FRMD5: variants seen among roughly 807,000 people sequenced by gnomAD.
The protein encoded by FRMD5 is FERM domain-containing protein 5.
In FRMD5, 20 loss-of-function variants were observed where a neutral mutation model predicts 69.0. That is an observed-to-expected ratio of 0.29 (90% CI 0.20 to 0.42). The LOEUF (loss-of-function observed/expected upper bound fraction) is 0.42. Among genes scored for constraint, FRMD5 ranks in the 10% least tolerant of loss-of-function variants. FRMD5 has a pLI of 1.00. For missense variants in FRMD5, 595 were observed against 708.6 expected (o/e 0.84, Z 1.82); for synonymous variants, 271 against 260.1 (o/e 1.04, Z -0.40).
chr15:44,006,428 A>G (rs1890451928), intron 1 of FRMD5, among the ~76,000 whole-genome samples: 1 of 152,242 alleles, frequency 6.6e-6, no homozygotes, highest in South Asian at 2.1e-4. Context: ...GCTAACATCC[A>G]GTTGGTAGCC....
At chr15:44,042,771 C>T (rs569044085) in intron 1 of FRMD5, among the ~76,000 whole-genome samples, 32 of 152,308 alleles carry the variant, frequency 2.1e-4, no homozygotes, top group Middle Eastern at 3.4e-3. Context: ...ACTGATGGAA[C>T]GTATCTCAAA....
intron 1 of FRMD5, among the ~76,000 whole-genome samples, chr15:44,062,048 G>C (rs1385123413): frequency 6.6e-6 from 1 of 152,188 alleles, no homozygotes; most frequent in Non-Finnish European, 1.5e-5. Context: ...TTAGATACAA[G>C]TGCAGGAAAT....
intron 1 of FRMD5, among the ~76,000 whole-genome samples, chr15:44,018,567 C>T (rs1361986877): frequency 6.6e-6 from 1 of 152,152 alleles, no homozygotes; most frequent in Non-Finnish European, 1.5e-5. Context: ...TCAATCTATT[C>T]ACTTGTTTAA....
chr15:43,929,186 T>C (rs966094907), intron 1 of FRMD5, among the ~76,000 whole-genome samples: 2 of 152,184 alleles, frequency 1.3e-5, no homozygotes, highest in African/African-American at 4.8e-5. Context: ...TGGTTCTCTA[T>C]GGTTTGCCTA....
At position 44,172,223 on chromosome 15, in the gene FRMD5, T is replaced by A. The variant is rs1229226562; in HGVS notation, c.102+22730A>T. 2.6e-5 allele frequency among the ~76,000 whole-genome samples: 4 copies of A among 151,824 alleles called. No individual in the cohort carries two copies. In the East Asian group the frequency reaches 7.7e-4, roughly 29 times the overall value. ...TTCCCACCTCAGCCTCCTGAGTAGC[T>A]GGGACCACAGGTGTGCACCACCATA... is the stretch of plus-strand genomic sequence containing the variant. On this transcript the variant is annotated intron_variant, in intron 1 of 13. Coordinates refer to ENST00000417257, the MANE Select transcript of FRMD5 (RefSeq NM_032892.5).
intron 1 of FRMD5, among the ~76,000 whole-genome samples, chr15:44,089,702 C>CA (rs201000851): frequency 1.3e-5 from 2 of 149,986 alleles, no homozygotes; most frequent in East Asian, 3.9e-4. Flanking sequence ...GATCCTACGT[C>CA]AAAAAAAAAG....
At chr15:44,106,505 T>C (rs1299005224) in intron 1 of FRMD5, among the ~76,000 whole-genome samples, 1 of 152,152 alleles carries the variant, frequency 6.6e-6, no homozygotes, top group Non-Finnish European at 1.5e-5. Flanking sequence ...CTAGAAGGCC[T>C]CCTACAACCA....
At chr15:44,120,052 C>G (rs2140645724) in intron 1 of FRMD5, among the ~76,000 whole-genome samples, 1 of 152,184 alleles carries the variant, frequency 6.6e-6, no homozygotes, top group South Asian at 2.1e-4. Context: ...ATGACTGGAG[C>G]ATAGAACACC....
intron 1 of FRMD5, among the ~76,000 whole-genome samples, chr15:44,138,989 ATTTCT>A (rs1481086082): frequency 6.6e-6 from 1 of 152,132 alleles, no homozygotes; most frequent in Non-Finnish European, 1.5e-5. Context: ...TGAGCACAGG[ATTTCT>A]TTTAAGGGGG....
chr15:44,085,994 T>C (rs960940668), intron 1 of FRMD5, among the ~76,000 whole-genome samples: 4 of 152,148 alleles, frequency 2.6e-5, no homozygotes, highest in Admixed American at 2.6e-4. Flanking sequence ...TGGAAGCTTT[T>C]TTATTATCTC....
intron 1 of FRMD5, among the ~76,000 whole-genome samples, chr15:44,019,084 G>A (rs537461341): frequency 4.7e-4 from 71 of 151,998 alleles, no homozygotes; most frequent in African/African-American, 1.7e-3. Flanking sequence ...TAGTAGAGAC[G>A]GAGTTTTGCC....
At position 44,101,923 on chromosome 15, in the gene FRMD5, C is replaced by T. The variant is rs995299890; in HGVS notation, c.102+93030G>A. ...GGTGTTCCAGAAATCTATTTTAAAC[C>T]GCTACCAAAGTCTAGAAACTCTGGC... On this transcript the variant is annotated intron_variant, in intron 1 of 13. Coordinates refer to ENST00000417257, the MANE Select transcript of FRMD5 (RefSeq NM_032892.5). Among the ~76,000 whole-genome samples, 8 of 152,074 alleles carry T rather than the reference C, an allele frequency of 5.3e-5. No homozygotes were observed. In the East Asian group the frequency reaches 9.6e-4, roughly 18 times the overall value.
intron 1 of FRMD5, among the ~76,000 whole-genome samples, chr15:43,990,985 G>A (rs1284990615): frequency 6.6e-6 from 1 of 152,130 alleles, no homozygotes; most frequent in Non-Finnish European, 1.5e-5. Context: ...CAGTGAAAGA[G>A]GTACTATATA....
intron 1 of FRMD5, among the ~76,000 whole-genome samples, chr15:44,083,522 C>G (rs1240935563): frequency 6.6e-6 from 1 of 151,990 alleles, no homozygotes; most frequent in Non-Finnish European, 1.5e-5. Flanking sequence ...CTGATATACA[C>G]CTAGCCGAGC....
chr15:44,174,638 T>A (rs1595556451), intron 1 of FRMD5, among the ~76,000 whole-genome samples: 1 of 152,094 alleles, frequency 6.6e-6, no homozygotes, highest in Non-Finnish European at 1.5e-5. Flanking sequence ...TAAAAGAAAA[T>A]TTTTAAAATA....
chr15:44,137,551 T>G (rs776266058), intron 1 of FRMD5, among the ~76,000 whole-genome samples: 76 of 152,282 alleles, frequency 5.0e-4, no homozygotes, highest in Non-Finnish European at 6.0e-4. Context: ...GAAGCCTAAC[T>G]AGTACTTTTT....
chr15:44,121,431 G>C (rs1347250517), intron 1 of FRMD5, among the ~76,000 whole-genome samples: 1 of 152,048 alleles, frequency 6.6e-6, no homozygotes, highest in Non-Finnish European at 1.5e-5. Flanking sequence ...TATTAAAAAA[G>C]TATTGCCATA....
intron 11 of FRMD5, 155 bp from the exon 12 acceptor site, chr15:43,884,950 G>A (rs1264194342): frequency 6.4e-6 from 4 of 622,274 alleles, no homozygotes; most frequent in African/African-American, 5.5e-5. Context: ...GGCTTGCTTG[G>A]TGGGGTAGAC....
intron 1 of FRMD5, among the ~76,000 whole-genome samples, chr15:44,048,535 G>T (rs1892525381): frequency 6.6e-6 from 1 of 151,896 alleles, no homozygotes; most frequent in African/African-American, 2.4e-5. Context: ...GGTGACATTT[G>T]CAGCACAAAG....
Sources: gnomAD v4.1 joint callset for allele counts (sites outside exome capture counted in the v4.1 genomes callset) on GRCh38, gnomAD v4.1.1 for gene constraint, MANE v1.5 for transcripts, NCBI Gene and HGNC (gene_info 2026-07-23, HGNC 2026-07-21) for gene names.